CPXM2: variants seen among roughly 807,000 people sequenced by gnomAD.
The protein encoded by CPXM2 is carboxypeptidase X, M14 family member 2, also known as inactive carboxypeptidase-like protein X2.
CPXM2 carries 66 observed loss-of-function variants against 86.1 expected under a neutral mutation model. The ratio of observed to expected loss-of-function variants is 0.77; its 90% CI spans 0.63 to 0.94. The LOEUF (loss-of-function observed/expected upper bound fraction) is 0.94, where lower values mean the gene tolerates loss of function less well. Among genes scored for constraint, CPXM2 ranks in the 40% least tolerant of loss-of-function variants. CPXM2 has a pLI of 0.00. For missense variants in CPXM2, 948 were observed against 1,026.3 expected (o/e 0.92, Z 1.04); for synonymous variants, 388 against 400.2 (o/e 0.97, Z 0.36).
chr10:123,899,095 T>G (rs935408893), intron 2 of CPXM2, among the ~76,000 whole-genome samples: 1 of 152,238 alleles, frequency 6.6e-6, no homozygotes, highest in Non-Finnish European at 1.5e-5. Flanking sequence ...GAAATCTACT[T>G]AGATAATTTT....
intron 2 of CPXM2, among the ~76,000 whole-genome samples, chr10:123,912,308 CGGG>C (rs147794681): frequency 3.3e-4 from 13 of 39,524 alleles, no homozygotes; most frequent in East Asian, 2.1e-3. Context: ...AGATGGTGGG[CGGG>C]GGGGGGGGGG....
intron 13 of CPXM2, chr10:123,751,497 G>A (rs558031287): frequency 1.4e-4 from 141 of 984,514 alleles, no homozygotes; most frequent in African/African-American, 8.2e-4. Context: ...TCTCCTATAC[G>A]TGGGCAGAAG....
At chr10:123,902,743 G>T (rs1945395330) in intron 2 of CPXM2, among the ~76,000 whole-genome samples, 1 of 152,176 alleles carries the variant, frequency 6.6e-6, no homozygotes, top group African/African-American at 2.4e-5. Flanking sequence ...TAATATCATT[G>T]CCTTGGGGTT....
intron 3 of CPXM2, among the ~76,000 whole-genome samples, chr10:123,857,407 GA>G: frequency 6.6e-6 from 1 of 152,062 alleles, no homozygotes; most frequent in East Asian, 1.9e-4. Flanking sequence ...GCAGAAGACT[GA>G]AAAAAATTAA....
intron 1 of CPXM2, among the ~76,000 whole-genome samples, chr10:123,887,671 C>G (rs1177136064): frequency 6.6e-6 from 1 of 152,008 alleles, no homozygotes; most frequent in Non-Finnish European, 1.5e-5. Flanking sequence ...CACAGGAAGG[C>G]AACCCCCTTC....
At chr10:123,844,515 T>C (rs1397709111) in intron 3 of CPXM2, among the ~76,000 whole-genome samples, 1 of 152,166 alleles carries the variant, frequency 6.6e-6, no homozygotes, top group African/African-American at 2.4e-5. Context: ...GTGGGAATTA[T>C]CAAATCCAAC....
At chr10:123,814,900 C>G (rs1046147775) in intron 4 of CPXM2, among the ~76,000 whole-genome samples, 4 of 152,138 alleles carry the variant, frequency 2.6e-5, no homozygotes, top group Non-Finnish European at 5.9e-5. Context: ...TGGTGTACAC[C>G]TGTAGTCCCA....
chr10:123,792,112 GA>G (rs1050347716), intron 6 of CPXM2, among the ~76,000 whole-genome samples: 1 of 152,226 alleles, frequency 6.6e-6, no homozygotes, highest in Non-Finnish European at 1.5e-5. Flanking sequence ...AGAGAGGACA[GA>G]AAACAAAACC....
At chr10:123,813,259 C>T (rs1488483523) in intron 4 of CPXM2, among the ~76,000 whole-genome samples, 2 of 152,212 alleles carry the variant, frequency 1.3e-5, no homozygotes, top group African/African-American at 2.4e-5. Flanking sequence ...CTTCAGTTTG[C>T]AAAATGCTTC....
At chr10:123,843,944 G>C (rs759207278) in intron 3 of CPXM2, among the ~76,000 whole-genome samples, 10 of 152,140 alleles carry the variant, frequency 6.6e-5, no homozygotes, top group Non-Finnish European at 1.5e-5. Flanking sequence ...TAAGGCTCCT[G>C]GTTTTGCCAG....
rs114317769 is a variant in CPXM2 at position 123,836,626 on chromosome 10, T to G, written c.653+5723A>C. 9.4e-3 allele frequency among the ~76,000 whole-genome samples: 1,428 copies of G among 152,280 alleles called. 14 individuals carry two copies. Among genetic ancestry groups the G allele is most frequent in the African/African-American group, 0.031 (1,273 of 41,544 alleles). ...TCTCTGTCCCTTATCTCAATGCAGA[T>G]CTTACACTCTCTGAGTTTCCAGACC... On this transcript the variant is annotated intron_variant, in intron 4 of 13. Transcript: ENST00000241305.
chr10:123,816,606 G>C (rs1296157003), intron 4 of CPXM2, among the ~76,000 whole-genome samples: 1 of 152,220 alleles, frequency 6.6e-6, no homozygotes, highest in Admixed American at 6.5e-5. Flanking sequence ...TGCTGTACCA[G>C]ATGTGGTTTC....
At chr10:123,907,195 C>G (rs532903933) in intron 2 of CPXM2, among the ~76,000 whole-genome samples, 1 of 152,298 alleles carries the variant, frequency 6.6e-6, no homozygotes, top group Admixed American at 6.5e-5. Flanking sequence ...GCTGCCAACA[C>G]GATTTGCTAG....
chr10:123,848,789 A>T (rs1189502117), intron 3 of CPXM2, among the ~76,000 whole-genome samples: 1 of 152,244 alleles, frequency 6.6e-6, no homozygotes, highest in African/African-American at 2.4e-5. Context: ...AAATGCATGC[A>T]GGTCAAGTGC....
intron 3 of CPXM2, among the ~76,000 whole-genome samples, chr10:123,858,549 C>T (rs1848791526): frequency 6.6e-6 from 1 of 152,244 alleles, no homozygotes; most frequent in African/African-American, 2.4e-5. Context: ...TGCCTGGATT[C>T]TTAATCTGCC....
intron 2 of CPXM2, among the ~76,000 whole-genome samples, chr10:123,863,537 G>A (rs1848905916): frequency 1.3e-5 from 2 of 152,210 alleles, no homozygotes; most frequent in Admixed American, 1.3e-4. Context: ...TTCCAGGCCT[G>A]AAGGACATGA....
intron 6 of CPXM2, among the ~76,000 whole-genome samples, chr10:123,784,060 C>T (rs1294108967): frequency 6.6e-6 from 1 of 152,162 alleles, no homozygotes; most frequent in East Asian, 1.9e-4. Context: ...ATGTTGGAGT[C>T]CTCACCCCCA....
chr10:123,863,408 C>T (rs9423275), intron 2 of CPXM2, among the ~76,000 whole-genome samples: 74,606 of 151,976 alleles, frequency 0.49, 19,618 homozygotes, highest in African/African-American at 0.65. Context: ...CATGATGAAC[C>T]GGGGGTCCCC....
intron 6 of CPXM2, among the ~76,000 whole-genome samples, chr10:123,782,741 T>C (rs561533771): frequency 1.3e-5 from 2 of 152,174 alleles, no homozygotes; most frequent in Non-Finnish European, 2.9e-5. Flanking sequence ...CCTGTCAGAG[T>C]TGTTTGAACC....
Sources: gnomAD v4.1 joint callset for allele counts (sites outside exome capture counted in the v4.1 genomes callset) on GRCh38, gnomAD v4.1.1 for gene constraint, MANE v1.5 for transcripts, NCBI Gene and HGNC (gene_info 2026-07-23, HGNC 2026-07-21) for gene names.